ZNF766: variants seen among roughly 807,000 people sequenced by gnomAD.
ZNF766 encodes the protein zinc finger protein 766.
Under a neutral mutation model 13.2 loss-of-function variants are expected in ZNF766, and 13 were observed. That is an observed-to-expected ratio of 0.98 (90% CI 0.64 to 1.56). The LOEUF (loss-of-function observed/expected upper bound fraction) is 1.56, where lower values mean the gene tolerates loss of function less well. Among genes scored for constraint, ZNF766 ranks in the 40% most tolerant of loss-of-function variants. The pLI, the probability that ZNF766 is intolerant of heterozygous loss-of-function variation, is 0.00. For synonymous variants in ZNF766, 178 were observed against 187.6 expected (o/e 0.95, Z 0.42); for missense variants, 521 against 552.2 (o/e 0.94, Z 0.57).
At chr19:52,287,960 CTGTTTTCTT>C in intron 3 of ZNF766, 3 of 418,816 alleles carry the variant, frequency 7.2e-6, no homozygotes, top group South Asian at 5.2e-5. Context: ...TGCTTCTCTG[CTGTTTTCTT>C]TGTTTTCTAA....
At chr19:52,289,182 A>G (rs2122490513) in intron 3 of ZNF766, among the ~76,000 whole-genome samples, 1 of 130,784 alleles carries the variant, frequency 7.6e-6, no homozygotes, top group Non-Finnish European at 1.6e-5. Flanking sequence ...ACGGATTCTC[A>G]TTCTGTCACT....
rs535980263 is a variant in ZNF766 at position 52,269,644 on chromosome 19, T to G, written c.18+13T>G. The stretch of plus-strand genomic sequence containing the variant: ...GCAACTGCGGCGCGTGAGTTTTCCT[T>G]TGTTTAGATTAAGTGTTCGCTTAGC... On this transcript the variant is annotated intron_variant, in intron 1 of 3. Coordinates refer to ENST00000439461, the MANE Select transcript of ZNF766 (RefSeq NM_001010851.3). 3.2e-5 allele frequency: 51 copies of G among 1,612,846 alleles called. No homozygotes were observed. Among genetic ancestry groups the G allele is most frequent in the Non-Finnish European group, 1.7e-5 (20 of 1,179,666 alleles).
At position 52,292,114 on chromosome 19, in the gene ZNF766, G is replaced by A. The variant is rs1274000985; in HGVS notation, c.*916G>A. 1.4e-6 allele frequency: 1 copy of A among 701,580 alleles called. No individual in the cohort carries two copies. The highest frequency in any genetic ancestry group is 1.5e-5 in the South Asian group (1 of 67,304). 43.5% of individuals were successfully genotyped at this position (701,580 alleles called of 1,614,324 possible). A position where few individuals can be genotyped will look rare whatever the true frequency, so the allele number is the denominator to read the frequency against. On this transcript the variant is annotated 3_prime_UTR_variant, in exon 4 of 4. Transcript: ENST00000439461. ...AGGCTAGTTTTTATGACTTCAACCTGAACTTTGAAATTTCTTCATGTGCCT... is the reference window on the plus strand; with the variant it reads ...AGGCTAGTTTTTATGACTTCAACCTAAACTTTGAAATTTCTTCATGTGCCT...
At chr19:52,284,600 C>T (rs1981716985) in intron 3 of ZNF766, among the ~76,000 whole-genome samples, 1 of 152,040 alleles carries the variant, frequency 6.6e-6, no homozygotes, top group South Asian at 2.1e-4. Context: ...CACTATCTAC[C>T]TGAGTTAGAG....
chr19:52,279,005 G>C (rs1343217442), intron 1 of ZNF766, among the ~76,000 whole-genome samples: 2 of 152,136 alleles, frequency 1.3e-5, no homozygotes, highest in African/African-American at 2.4e-5. Context: ...TTTATAGTTT[G>C]GGGTTTTACA....
chr19:52,278,784 A>AC (rs1981341292), intron 1 of ZNF766, among the ~76,000 whole-genome samples: 1 of 152,180 alleles, frequency 6.6e-6, no homozygotes, highest in African/African-American at 2.4e-5. Context: ...GACCTTTGTT[A>AC]GATGCATAGT....
At chr19:52,287,078 G>C (rs1054876911) in intron 3 of ZNF766, among the ~76,000 whole-genome samples, 4 of 151,832 alleles carry the variant, frequency 2.6e-5, no homozygotes, top group African/African-American at 9.7e-5. Flanking sequence ...CAGGTGATCT[G>C]CCTGCCTCAG....
intron 1 of ZNF766, 194 bp from the exon 2 acceptor site, chr19:52,281,917 A>T (rs562454948): frequency 3.6e-5 from 24 of 670,944 alleles, no homozygotes; most frequent in Non-Finnish European, 5.5e-5. Context: ...AAAGAATATC[A>T]TAACTTTTTA....
At chr19:52,288,648 C>T (rs1290451709) in intron 3 of ZNF766, among the ~76,000 whole-genome samples, 3 of 150,300 alleles carry the variant, frequency 2.0e-5, no homozygotes, top group Admixed American at 6.6e-5. Flanking sequence ...CCCACCTCAG[C>T]CTCCCAAAGT....
chr19:52,289,917 C>G lies in ZNF766; in HGVS notation c.275-149C>G, dbSNP rs1303728524. On this transcript the variant is annotated intron_variant, in intron 3 of 3. Coordinates refer to ENST00000439461, the MANE Select transcript of ZNF766 (RefSeq NM_001010851.3). ...TTGGGAGGCTGAGGCAGGAGAATGG[C>G]GGGAACCTGGGAGGCGGAGCTTGCA... 5.5e-6 allele frequency: 4 copies of G among 722,110 alleles called. No homozygotes were observed. In the East Asian group the frequency reaches 1.2e-4, roughly 21 times the overall value. 44.7% of individuals were successfully genotyped at this position (722,110 alleles called of 1,614,324 possible).
intron 1 of ZNF766, among the ~76,000 whole-genome samples, chr19:52,280,686 G>A (rs1310912693): frequency 1.3e-5 from 2 of 151,892 alleles, no homozygotes; most frequent in East Asian, 2.0e-4. Flanking sequence ...GGGTTCAAGC[G>A]GTTCTTCTGC....
At chr19:52,275,339 G>A (rs1415216442) in intron 1 of ZNF766, among the ~76,000 whole-genome samples, 1 of 152,162 alleles carries the variant, frequency 6.6e-6, no homozygotes, top group East Asian at 1.9e-4. Context: ...AAATATTTTT[G>A]TATAGCTGTA....
In ZNF766 at chr19:52,282,205, T is replaced by G. The variant is rs1278042812; in HGVS notation, c.113T>G (p.Met38Arg). ...PVQKALYRDV[M>R]LENYRNLVSL... Reference sequence around the variant, plus strand: ...CAGAAGGCTTTATACAGGGATGTGATGTTGGAGAACTACAGGAACCTGGTC... The same window carrying G: ...CAGAAGGCTTTATACAGGGATGTGAGGTTGGAGAACTACAGGAACCTGGTC... Residue 38 changes from methionine (M) to arginine (R), a missense_variant, in exon 2 of 4, where the codon ATG becomes AGG. Transcript: ENST00000439461. 1 of 1,604,704 alleles carries G rather than the reference T, an allele frequency of 6.2e-7. No individual in the cohort carries two copies. Among genetic ancestry groups the G allele is most frequent in the Non-Finnish European group, 8.5e-7 (1 of 1,174,012 alleles).
At chr19:52,281,786 A>G (rs760760612) in intron 1 of ZNF766, 2 of 509,432 alleles carry the variant, frequency 3.9e-6, no homozygotes, top group Admixed American at 4.1e-5. Context: ...GTTAGGTATT[A>G]TGTTCGACAC....
Position 52,291,309 on chromosome 19 carries a change from C to A in ZNF766, c.*111C>A. ...TGGCACAGGCTGTATCGAGACCTAC[C>A]AAATCACTAGACATCGAAACATTCA... On this transcript the variant is annotated 3_prime_UTR_variant, in exon 4 of 4. Coordinates refer to ENST00000439461, the MANE Select transcript of ZNF766 (RefSeq NM_001010851.3). 3 of 1,062,984 alleles carry A rather than the reference C, an allele frequency of 2.8e-6. No individual in the cohort carries two copies. The highest frequency in any genetic ancestry group is 4.0e-6 in the Non-Finnish European group (3 of 742,222). The allele number at this position is 1,062,984 out of a possible 1,614,324, so 65.8% of individuals were successfully genotyped here. A position where few individuals can be genotyped will look rare whatever the true frequency, so the allele number is the denominator to read the frequency against.
intron 1 of ZNF766, among the ~76,000 whole-genome samples, chr19:52,272,293 T>A (rs954641690): frequency 2.0e-5 from 3 of 152,160 alleles, no homozygotes; most frequent in Non-Finnish European, 4.4e-5. Flanking sequence ...CATCTTTTCG[T>A]CTTAGCAACA....
In ZNF766 at chr19:52,287,513, A is replaced by G. The variant is rs143383005; in HGVS notation, c.275-2553A>G. Among the ~76,000 whole-genome samples, 29 of 152,314 alleles carry G rather than the reference A, an allele frequency of 1.9e-4. No homozygotes were observed. The East Asian group carries it at 4.4e-3, about 23-fold the overall frequency. On this transcript the variant is annotated intron_variant, in intron 3 of 3. Transcript: ENST00000439461. ...ACTGGCCTCATTGAATGTGTGTAGAAGTGGTTCACCTCCTCAACCTTACGG... is the reference window on the plus strand; with the variant it reads ...ACTGGCCTCATTGAATGTGTGTAGAGGTGGTTCACCTCCTCAACCTTACGG...
At chr19:52,277,115 T>C in intron 1 of ZNF766, 1 of 1,020,168 alleles carries the variant, frequency 9.8e-7, no homozygotes, top group South Asian at 3.9e-5. Context: ...AGAAAGTATG[T>C]TGATTCTAAA....
chr19:52,276,031 C>G (rs78354041), intron 1 of ZNF766, among the ~76,000 whole-genome samples: 9,163 of 152,134 alleles, frequency 0.06, 449 homozygotes, highest in East Asian at 0.24. Flanking sequence ...GAGTACTTAC[C>G]GTTGTTACAG....
Sources: gnomAD v4.1 joint callset for allele counts (sites outside exome capture counted in the v4.1 genomes callset) on GRCh38, gnomAD v4.1.1 for gene constraint, MANE v1.5 for transcripts, NCBI Gene and HGNC (gene_info 2026-07-23, HGNC 2026-07-21) for gene names.